Variants in SPATA7 observed in about 807,000 individuals in gnomAD.
The protein encoded by SPATA7 is spermatogenesis associated 7.
Under a neutral mutation model 51.8 loss-of-function variants are expected in SPATA7, and 43 were observed. That is an observed-to-expected ratio of 0.83 (90% CI 0.65 to 1.07). SPATA7 has a LOEUF of 1.07. SPATA7 is among the 50% of genes least tolerant of loss of function. SPATA7 has a pLI of 0.00. For synonymous variants in SPATA7, 230 were observed against 252.8 expected (o/e 0.91, Z 0.86); for missense variants, 683 against 701.3 (o/e 0.97, Z 0.30).
chr14:88,394,059 T>C (rs1419160752), intron 3 of SPATA7, among the ~76,000 whole-genome samples: 2 of 152,176 alleles, frequency 1.3e-5, no homozygotes, highest in Non-Finnish European at 2.9e-5. Flanking sequence ...TTTTAAATGG[T>C]AGCAAAAAAT....
intron 1 of SPATA7, among the ~76,000 whole-genome samples, chr14:88,388,211 A>G (rs1278713922): frequency 6.6e-6 from 1 of 152,120 alleles, no homozygotes; most frequent in South Asian, 2.1e-4. Flanking sequence ...CAAAAAAAAA[A>G]TTGTTTTGAT....
intron 5 of SPATA7, among the ~76,000 whole-genome samples, chr14:88,420,738 C>T (rs969900851): frequency 4.6e-5 from 7 of 152,146 alleles, no homozygotes; most frequent in East Asian, 1.9e-4. Flanking sequence ...AAACCCCAGA[C>T]ACCATATAAT....
chr14:88,418,420 G>A (rs1183124865), intron 5 of SPATA7, among the ~76,000 whole-genome samples: 2 of 152,050 alleles, frequency 1.3e-5, no homozygotes, highest in African/African-American at 2.4e-5. Context: ...TTGATAGGTG[G>A]TATTTTTATT....
intron 10 of SPATA7, among the ~76,000 whole-genome samples, chr14:88,436,572 C>G: frequency 6.6e-6 from 1 of 152,078 alleles, no homozygotes; most frequent in Non-Finnish European, 1.5e-5. Context: ...ATATTTAAGC[C>G]TTTCATCTAT....
intron 4 of SPATA7, among the ~76,000 whole-genome samples, chr14:88,397,027 G>C (rs1163354006): frequency 6.6e-6 from 1 of 151,884 alleles, no homozygotes; most frequent in African/African-American, 2.4e-5. Context: ...GGGACTACAG[G>C]CGCAAGCCAC....
At chr14:88,461,306 G>A (rs912933710) in intron 4 of SPATA7, among the ~76,000 whole-genome samples, 9 of 152,216 alleles carry the variant, frequency 5.9e-5, no homozygotes, top group African/African-American at 2.2e-4. Flanking sequence ...TGCCCCCAGA[G>A]GTGGAGTCTA....
At chr14:88,444,815 G>A (rs2077200465) in intron 3 of SPATA7, among the ~76,000 whole-genome samples, 2 of 152,142 alleles carry the variant, frequency 1.3e-5, no homozygotes, top group Admixed American at 1.3e-4. Context: ...CGTTATTTCT[G>A]AGGCCTCTGT....
intron 4 of SPATA7, chr14:88,468,821 A>T (rs1377233666): frequency 1.3e-6 from 2 of 1,504,714 alleles, no homozygotes; most frequent in African/African-American, 2.8e-5. Flanking sequence ...CAGTCCAAGG[A>T]AATGTGCGCA....
downstream of SPATA7, among the ~76,000 whole-genome samples, chr14:88,457,711 C>G (rs191870387): frequency 3.2e-3 from 492 of 152,122 alleles, 2 homozygotes; most frequent in Middle Eastern, 0.01. Context: ...AATTGAATAC[C>G]CTTTATTTCT....
At chr14:88,404,882 G>T (rs1042388831) in intron 4 of SPATA7, among the ~76,000 whole-genome samples, 2 of 152,144 alleles carry the variant, frequency 1.3e-5, no homozygotes, top group Non-Finnish European at 2.9e-5. Context: ...TAAGGGCTGG[G>T]ACTAAAGAGG....
chr14:88,447,665 T>A (rs1349867597), intron 3 of SPATA7, among the ~76,000 whole-genome samples: 4 of 151,782 alleles, frequency 2.6e-5, no homozygotes, highest in Non-Finnish European at 4.4e-5. Context: ...CAGGAGCTCT[T>A]TTAGGGCAGG....
intron 4 of SPATA7, among the ~76,000 whole-genome samples, chr14:88,462,167 G>A (rs1322434146): frequency 2.0e-5 from 3 of 152,146 alleles, no homozygotes; most frequent in African/African-American, 7.2e-5. Context: ...AATTTCAAGT[G>A]ATTTCTAATA....
At position 88,463,527 on chromosome 14, in the gene SPATA7, GTACAGAACACA is replaced by G. The variant is rs1209245579; in HGVS notation, c.255-6313_255-6303del. ...AAAAGTTGCCCTATAATTTCTTGGA[GTACAGAACACA>G]TACAGATACGGTTTGGTTCTGTACC... On this transcript the variant is annotated intron_variant, in intron 4 of 4. Transcript: ENST00000556406. Among the ~76,000 whole-genome samples the G allele has an allele frequency of 1.4e-4, 22 of 152,202 alleles. 1 individual carries two copies. In the Middle Eastern group the frequency reaches 0.01, roughly 71 times the overall value.
At chr14:88,443,661 G>A (rs1218004587) in intron 3 of SPATA7, among the ~76,000 whole-genome samples, 2 of 146,298 alleles carry the variant, frequency 1.4e-5, no homozygotes. Context: ...AGTTCCCAGA[G>A]TGTGATGTTC....
At chr14:88,453,426 T>C (rs2077265122) in intron 3 of SPATA7, among the ~76,000 whole-genome samples, 1 of 152,160 alleles carries the variant, frequency 6.6e-6, no homozygotes, top group South Asian at 2.1e-4. Flanking sequence ...AGTCACATGG[T>C]CTCTAGGAAG....
intron 5 of SPATA7, among the ~76,000 whole-genome samples, chr14:88,421,134 A>G (rs1288295640): frequency 1.3e-5 from 2 of 151,974 alleles, no homozygotes; most frequent in Non-Finnish European, 2.9e-5. Flanking sequence ...TAATTAATTA[A>G]TAACAGTTCT....
rs750491423 is a variant in SPATA7 at position 88,393,482 on chromosome 14, G to C, written c.184G>C (p.Ala62Pro). The change falls in exon 3 of 12, where the codon GCC (alanine) becomes CCC (proline). Residue 62 changes from alanine (A) to proline (P), a missense_variant. Coordinates refer to ENST00000393545, the MANE Select transcript of SPATA7 (RefSeq NM_018418.5). ...TGTTCACTATAATAAAATCCTTTCA[G>C]CCAAAGGTAAAAATGTGCAAATGTG... Reference protein sequence around the residue: ...MAVHYNKILSAKAAVDCSVPV... With the variant: ...MAVHYNKILSPKAAVDCSVPV... 6.3e-7 allele frequency: 1 copy of C among 1,595,048 alleles called. No homozygotes were observed.
At chr14:88,444,645 C>G (rs1035993793) in intron 3 of SPATA7, among the ~76,000 whole-genome samples, 1 of 152,102 alleles carries the variant, frequency 6.6e-6, no homozygotes, top group African/African-American at 2.4e-5. Context: ...TTAATCCATC[C>G]TGAACTGATT....
At position 88,429,348 on chromosome 14, in the gene SPATA7, G is replaced by A. The variant is rs1281376963; in HGVS notation, c.913G>A (p.Ala305Thr). ...MTDSEMNIKQ[A>T]SNCVTYDAKE... Reference sequence around the variant, plus strand: ...AATATTTTTTTTATTGCATCCCCAGGCATCTAATTGTGTGACATATGATGC... The same window carrying A: ...AATATTTTTTTTATTGCATCCCCAGACATCTAATTGTGTGACATATGATGC... Residue 305 changes from alanine (A) to threonine (T), a missense_variant and splice_region_variant, in exon 8 of 12, where the codon GCA (alanine) becomes ACA (threonine). Ala to Thr is a moderately conservative substitution (Grantham distance 58). Transcript: ENST00000393545. 7.0e-6 allele frequency: 11 copies of A among 1,570,368 alleles called. No individual in the cohort carries two copies. Among genetic ancestry groups the A allele is most frequent in the Admixed American group, 3.3e-5 (2 of 59,800 alleles).
Sources: allele counts gnomAD v4.1 joint callset (sites outside exome capture counted in the v4.1 genomes callset), GRCh38; gene constraint gnomAD v4.1.1; transcripts MANE v1.5; gene names NCBI Gene and HGNC (gene_info 2026-07-23, HGNC 2026-07-21).